KCTD8: variants seen among roughly 807,000 people sequenced by gnomAD.
KCTD8 encodes the protein BTB/POZ domain-containing protein KCTD8.
A neutral mutation model predicts 31.5 loss-of-function variants in KCTD8; 27 were observed. The ratio of observed to expected loss-of-function variants is 0.86; its 90% CI spans 0.63 to 1.18. The LOEUF (loss-of-function observed/expected upper bound fraction) is 1.18, where lower values mean the gene tolerates loss of function less well. Ranked by LOEUF, KCTD8 falls within the 50% of genes most tolerant of loss-of-function variation. KCTD8 has a pLI of 0.00. For synonymous variants in KCTD8, 290 were observed against 280.0 expected (o/e 1.04, Z -0.36); for missense variants, 658 against 647.7 (o/e 1.02, Z -0.17).
intron 1 of KCTD8, among the ~76,000 whole-genome samples, chr4:44,321,902 C>T (rs1352241618): frequency 6.6e-6 from 1 of 150,846 alleles, no homozygotes; most frequent in East Asian, 1.9e-4. Flanking sequence ...TTACCTCCAG[C>T]TCCATCCATG....
chr4:44,286,730 C>T, intron 1 of KCTD8, among the ~76,000 whole-genome samples: 1 of 152,032 alleles, frequency 6.6e-6, no homozygotes, highest in East Asian at 1.9e-4. Context: ...ACATGATCTT[C>T]TCTGTGTTTT....
intron 1 of KCTD8, among the ~76,000 whole-genome samples, chr4:44,313,660 A>C (rs1265010526): frequency 1.3e-5 from 2 of 152,232 alleles, no homozygotes; most frequent in Non-Finnish European, 2.9e-5. Flanking sequence ...TAATCACTTA[A>C]TACAAAACTA....
intron 1 of KCTD8, among the ~76,000 whole-genome samples, chr4:44,218,024 G>A (rs1258027036): frequency 6.7e-6 from 1 of 149,902 alleles, no homozygotes; most frequent in Non-Finnish European, 1.5e-5. Context: ...TATCCTATTA[G>A]TTCTGTCCCT....
chr4:44,309,211 T>C (rs1362550380), intron 1 of KCTD8, among the ~76,000 whole-genome samples: 1 of 144,674 alleles, frequency 6.9e-6, no homozygotes, highest in East Asian at 2.0e-4. Context: ...AATTTTTGTA[T>C]TTTTTTTTTT....
intron 1 of KCTD8, among the ~76,000 whole-genome samples, chr4:44,316,720 G>A (rs1359683292): frequency 6.7e-6 from 1 of 148,228 alleles, no homozygotes; most frequent in African/African-American, 2.5e-5. Flanking sequence ...GGAGGCCGAG[G>A]CGGGCCAATC....
At chr4:44,260,933 G>T (rs1257132755) in intron 1 of KCTD8, among the ~76,000 whole-genome samples, 1 of 151,958 alleles carries the variant, frequency 6.6e-6, no homozygotes, top group Non-Finnish European at 1.5e-5. Context: ...CTTAAAGCAG[G>T]GAGATGAGCT....
At chr4:44,290,506 T>C (rs890844829) in intron 1 of KCTD8, among the ~76,000 whole-genome samples, 16 of 152,304 alleles carry the variant, frequency 1.1e-4, no homozygotes, top group Admixed American at 8.5e-4. Context: ...TCACAGATTA[T>C]ATATTCTTCT....
intron 1 of KCTD8, among the ~76,000 whole-genome samples, chr4:44,328,233 C>G (rs1461978571): frequency 6.6e-6 from 1 of 151,932 alleles, no homozygotes; most frequent in Non-Finnish European, 1.5e-5. Flanking sequence ...GCAAAACAGG[C>G]TTTAATAAAC....
intron 1 of KCTD8, among the ~76,000 whole-genome samples, chr4:44,340,631 C>T (rs1213204876): frequency 1.3e-5 from 2 of 151,804 alleles, no homozygotes; most frequent in African/African-American, 2.4e-5. Flanking sequence ...TTTTAAAGAT[C>T]GATAGTTAAA....
At chr4:44,375,446 G>A (rs934286618) in intron 1 of KCTD8, among the ~76,000 whole-genome samples, 1 of 152,104 alleles carries the variant, frequency 6.6e-6, no homozygotes, top group Non-Finnish European at 1.5e-5. Context: ...AATGAGTCAG[G>A]AAACAAGTGC....
At chr4:44,355,460 C>T (rs1719318550) in intron 1 of KCTD8, among the ~76,000 whole-genome samples, 2 of 152,164 alleles carry the variant, frequency 1.3e-5, no homozygotes, top group East Asian at 1.9e-4. Flanking sequence ...TAACTCCAAC[C>T]CATGCTGTTA....
intron 1 of KCTD8, among the ~76,000 whole-genome samples, chr4:44,379,844 C>T (rs558997027): frequency 6.6e-6 from 1 of 152,212 alleles, no homozygotes; most frequent in East Asian, 1.9e-4. Flanking sequence ...CTAGCAATTA[C>T]ACAGACCTGA....
At position 44,329,977 on chromosome 4, in the gene KCTD8, T is replaced by C. The variant is rs145774155; in HGVS notation, c.961+117586A>G. Among the ~76,000 whole-genome samples, 165 of 152,068 alleles carry C rather than the reference T, an allele frequency of 1.1e-3. 1 individual carries two copies. Among genetic ancestry groups the C allele is most frequent in the African/African-American group, 3.8e-3 (159 of 41,550 alleles). ...AAGGAATACCATATGATATCTATCA[T>C]GGAACCTCATATCTCAATACTTCAC... On this transcript the variant is annotated intron_variant, in intron 1 of 1. Transcript: ENST00000360029.
intron 1 of KCTD8, among the ~76,000 whole-genome samples, chr4:44,265,450 G>C (rs1035604035): frequency 1.1e-4 from 16 of 152,132 alleles, no homozygotes; most frequent in African/African-American, 3.9e-4. Flanking sequence ...GGAAAAAACA[G>C]AGCAGAAAAA....
At chr4:44,413,217 CATCA>C (rs1293711378) in intron 1 of KCTD8, among the ~76,000 whole-genome samples, 1 of 152,142 alleles carries the variant, frequency 6.6e-6, no homozygotes, top group Non-Finnish European at 1.5e-5. Context: ...CTTAAACTGA[CATCA>C]AGTAGCATCA....
At chr4:44,215,664 G>T (rs779930702) in intron 1 of KCTD8, among the ~76,000 whole-genome samples, 2 of 152,172 alleles carry the variant, frequency 1.3e-5, no homozygotes, top group Non-Finnish European at 2.9e-5. Context: ...GCCAAGGTCT[G>T]CATTGAGAAC....
intron 1 of KCTD8, among the ~76,000 whole-genome samples, chr4:44,238,583 A>T (rs1336036389): frequency 6.6e-6 from 1 of 152,178 alleles, no homozygotes; most frequent in Non-Finnish European, 1.5e-5. Context: ...ATCTATGCAA[A>T]AATACTGACT....
intron 1 of KCTD8, among the ~76,000 whole-genome samples, chr4:44,389,808 T>C (rs928690397): frequency 6.6e-6 from 1 of 151,828 alleles, no homozygotes; most frequent in African/African-American, 2.4e-5. Context: ...GTTTGAACTA[T>C]GCAGGTCCAT....
intron 1 of KCTD8, among the ~76,000 whole-genome samples, chr4:44,316,795 GAAAAAA>G (rs71188270): frequency 6.6e-3 from 265 of 40,338 alleles, no homozygotes; most frequent in Middle Eastern, 0.026. Context: ...CTAAAAATAC[GAAAAAA>G]AAAAAAAAAA....
Sources: gnomAD v4.1 joint callset for allele counts (sites outside exome capture counted in the v4.1 genomes callset) on GRCh38, gnomAD v4.1.1 for gene constraint, MANE v1.5 for transcripts, NCBI Gene and HGNC (gene_info 2026-07-23, HGNC 2026-07-21) for gene names.